Variants in DPP6 observed in about 807,000 individuals in gnomAD.
DPP6 encodes dipeptidyl peptidase like 6.
A neutral mutation model predicts 122.6 loss-of-function variants in DPP6; 69 were observed. The ratio of observed to expected loss-of-function variants is 0.56; its 90% CI spans 0.46 to 0.69. DPP6 has a LOEUF of 0.69. Among genes scored for constraint, DPP6 ranks in the 30% least tolerant of loss-of-function variants. DPP6 has a pLI of 0.00. For missense variants in DPP6, 928 were observed against 1,116.9 expected (o/e 0.83, Z 2.41); for synonymous variants, 418 against 433.1 (o/e 0.97, Z 0.43).
At chr7:154,508,409 A>G (rs1401021964) in intron 3 of DPP6, among the ~76,000 whole-genome samples, 3 of 152,172 alleles carry the variant, frequency 2.0e-5, no homozygotes, top group African/African-American at 7.2e-5. Flanking sequence ...TAAGGGCTCA[A>G]ATTCCTCCAT....
chr7:154,301,942 C>G (rs538677468), intron 1 of DPP6, among the ~76,000 whole-genome samples: 2 of 151,858 alleles, frequency 1.3e-5, no homozygotes, highest in African/African-American at 4.8e-5. Flanking sequence ...CTCAGCCTCC[C>G]GAGCAGCTAG....
chr7:153,998,563 C>T (rs1035998554), intron 1 of DPP6, among the ~76,000 whole-genome samples: 17 of 152,168 alleles, frequency 1.1e-4, no homozygotes, highest in South Asian at 2.1e-4. Context: ...ACAGCAACAT[C>T]GTGGTCATGG....
chr7:154,722,556 A>G (rs553617878), intron 7 of DPP6, among the ~76,000 whole-genome samples: 33 of 152,350 alleles, frequency 2.2e-4, no homozygotes, highest in African/African-American at 7.5e-4. Context: ...TTTAAAAAAT[A>G]CATGAGAAAA....
At chr7:153,815,935 T>C in the DPP6 span, among the ~76,000 whole-genome samples, 1 of 152,194 alleles carries the variant, frequency 6.6e-6, no homozygotes, top group African/African-American at 2.4e-5. Flanking sequence ...GAATGGCCAA[T>C]GTTTGTCAAG....
intron 1 of DPP6, among the ~76,000 whole-genome samples, chr7:154,378,876 A>T (rs757831052): frequency 1.3e-5 from 2 of 152,190 alleles, no homozygotes; most frequent in Admixed American, 1.3e-4. Context: ...GGAAACTGCC[A>T]CACAATTGTA....
chr7:154,281,157 C>T (rs960718409), intron 1 of DPP6, among the ~76,000 whole-genome samples: 2 of 152,002 alleles, frequency 1.3e-5, no homozygotes, highest in Non-Finnish European at 2.9e-5. Context: ...GGATTACAGG[C>T]GTGCACCACC....
chr7:154,317,076 C>G lies in DPP6; in HGVS notation c.244-129138C>G, dbSNP rs576532209. 8.5e-5 allele frequency among the ~76,000 whole-genome samples: 13 copies of G among 152,286 alleles called. No individual in the cohort carries two copies. In the East Asian group the frequency reaches 2.5e-3, roughly 29 times the overall value. ...AGTTGGGTCAAAGATTTGGCTGTCT[C>G]CCTGTCCCCCCACCAATCTGGCTAC... On this transcript the variant is annotated intron_variant, in intron 1 of 25. Transcript: ENST00000377770.
At chr7:154,872,933 G>A (rs532860294) in intron 19 of DPP6, among the ~76,000 whole-genome samples, 2 of 152,334 alleles carry the variant, frequency 1.3e-5, no homozygotes, top group East Asian at 1.9e-4. Flanking sequence ...CTCAGGTTCT[G>A]TGACCATAAA....
At chr7:154,705,927 G>T (rs935565751) in intron 7 of DPP6, among the ~76,000 whole-genome samples, 1 of 152,232 alleles carries the variant, frequency 6.6e-6, no homozygotes, top group Non-Finnish European at 1.5e-5. Flanking sequence ...CCAGTTTCCT[G>T]CGTAGAAGGG....
chr7:154,820,525 AATT>A (rs1404551166), intron 16 of DPP6, among the ~76,000 whole-genome samples: 1 of 152,194 alleles, frequency 6.6e-6, no homozygotes, highest in African/African-American at 2.4e-5. Flanking sequence ...ACGGCTTCTT[AATT>A]ATTTCTAGTG....
At chr7:154,790,445 A>T (rs1328721384) in intron 10 of DPP6, among the ~76,000 whole-genome samples, 1 of 152,220 alleles carries the variant, frequency 6.6e-6, no homozygotes, top group Non-Finnish European at 1.5e-5. Context: ...GCCCTTATGG[A>T]TGCATGTATG....
At chr7:154,304,035 C>A (rs1488621634) in intron 1 of DPP6, among the ~76,000 whole-genome samples, 4 of 152,214 alleles carry the variant, frequency 2.6e-5, no homozygotes, top group Non-Finnish European at 5.9e-5. Flanking sequence ...TACTGGGCAT[C>A]ACAGAGATGC....
chr7:153,985,875 C>G (rs1449535825), intron 1 of DPP6, among the ~76,000 whole-genome samples: 3 of 152,182 alleles, frequency 2.0e-5, no homozygotes, highest in Non-Finnish European at 4.4e-5. Flanking sequence ...AAAGAAAACT[C>G]TTTATTTCAA....
the DPP6 span, among the ~76,000 whole-genome samples, chr7:153,770,462 CA>C: frequency 1.2e-4 from 18 of 152,150 alleles, no homozygotes; most frequent in African/African-American, 4.1e-4. Flanking sequence ...CATAAATAAA[CA>C]ATAACGAATC....
At chr7:153,954,175 C>T (rs1003333499) in intron 1 of DPP6, among the ~76,000 whole-genome samples, 11 of 152,262 alleles carry the variant, frequency 7.2e-5, no homozygotes, top group African/African-American at 2.6e-4. Flanking sequence ...TACAATTAGC[C>T]CTTACAAGAA....
intron 1 of DPP6, among the ~76,000 whole-genome samples, chr7:154,445,700 G>C (rs1337364279): frequency 6.6e-6 from 1 of 152,112 alleles, no homozygotes; most frequent in Non-Finnish European, 1.5e-5. Context: ...GCAGAAGTTG[G>C]TGAAAATTGG....
intron 1 of DPP6, among the ~76,000 whole-genome samples, chr7:154,221,303 G>C (rs1001259093): frequency 2.0e-5 from 3 of 152,100 alleles, no homozygotes; most frequent in African/African-American, 7.2e-5. Flanking sequence ...ACCATGCCCA[G>C]CTAATTTTTG....
At chr7:154,031,986 C>T (rs568638424) in intron 1 of DPP6, among the ~76,000 whole-genome samples, 68 of 150,920 alleles carry the variant, frequency 4.5e-4, no homozygotes, top group African/African-American at 1.4e-3. Context: ...CTCAGCCTCC[C>T]GAGTAGCTGG....
At chr7:154,451,868 G>A (rs1202907488) in intron 2 of DPP6, among the ~76,000 whole-genome samples, 1 of 152,212 alleles carries the variant, frequency 6.6e-6, no homozygotes, top group Admixed American at 6.5e-5. Context: ...GCCCTGGGAT[G>A]GGGTGTCCAA....
Sources: allele counts gnomAD v4.1 joint callset (sites outside exome capture counted in the v4.1 genomes callset), GRCh38; gene constraint gnomAD v4.1.1; transcripts MANE v1.5; gene names NCBI Gene and HGNC (gene_info 2026-07-23, HGNC 2026-07-21).